IL1A: variants seen among roughly 807,000 people sequenced by gnomAD.
IL1A encodes the protein interleukin-1 alpha.
In IL1A, 16 loss-of-function variants were observed where a neutral mutation model predicts 22.2. The observed-to-expected ratio is 0.72, with a 90% CI of 0.49 to 1.09. The LOEUF is 1.09. Ranked by LOEUF, IL1A falls within the 50% of genes least tolerant of loss-of-function variation. The pLI is 0.00. For missense variants in IL1A, 317 were observed against 321.8 expected, an observed-to-expected ratio of 0.99 and a Z score of 0.11; for synonymous variants, 113 against 118.5, an observed-to-expected ratio of 0.95 and a Z score of 0.30.
In IL1A at chr2:112,781,822, G is replaced by A. The variant is rs1681211943; in HGVS notation, c.101C>T (p.Ser34Phe). 6.2e-7 allele frequency: 1 copy of A among 1,611,426 alleles called. No homozygotes were observed. Among genetic ancestry groups the A allele is most frequent in the East Asian group, 2.2e-5 (1 of 44,874 alleles). Reference sequence around the variant, plus strand: ...TGGGCCATAGCTTACATGATAGAAGGATTTCTGTGAGGAAGGAAAACAGAA... The same window carrying A: ...TGGGCCATAGCTTACATGATAGAAGAATTTCTGTGAGGAAGGAAAACAGAA... The part of the protein sequence containing the change: ...SIDHLSLNQK[S>F]FYHVSYGPLH... Residue 34 changes from serine to phenylalanine, a missense_variant, in exon 4 of 7, where the codon TCC (serine) becomes TTC (phenylalanine). Physicochemically the swap from Ser to Phe is radical, Grantham distance 155 (BLOSUM62 -2). Transcript: ENST00000263339.
intron 6 of IL1A, among the ~76,000 whole-genome samples, chr2:112,777,586 T>A (rs1681120742): frequency 6.6e-6 from 1 of 152,208 alleles, no homozygotes; most frequent in Non-Finnish European, 1.5e-5. Flanking sequence ...TGTTGCTTTG[T>A]GCCCATTGGC....
At chr2:112,783,848 C>T (rs1210214445) in intron 1 of IL1A, 70 bp from the exon 2 acceptor site, 1 of 1,359,578 alleles carries the variant, frequency 7.4e-7, no homozygotes, top group Admixed American at 1.7e-5. Flanking sequence ...AGGGGAGCCC[C>T]TCCTCTTTGT....
At chr2:112,776,181 C>A (rs1449242435) in intron 6 of IL1A, among the ~76,000 whole-genome samples, 2 of 152,176 alleles carry the variant, frequency 1.3e-5, no homozygotes, top group East Asian at 3.8e-4. Context: ...TATTGCCTTC[C>A]TTCTGATCTG....
chr2:112,778,383 G>A (rs571071003), intron 5 of IL1A, among the ~76,000 whole-genome samples: 7 of 152,200 alleles, frequency 4.6e-5, no homozygotes, highest in Non-Finnish European at 7.4e-5. Context: ...TGAATCCTTC[G>A]GGGCTGAATA....
In IL1A at chr2:112,781,695, G is replaced by T. The variant is rs780895290; in HGVS notation, c.228C>A (p.Thr76=). The part of the protein sequence containing the change: ...TFKESMVVVA[T]NGKVLKKRRL... Reference sequence around the variant, plus strand: ...GTCTCTTCTTCAGAACCTTCCCGTTGGTTGCTACTACCACCATGCTCTCCT... The same window carrying T: ...GTCTCTTCTTCAGAACCTTCCCGTTTGTTGCTACTACCACCATGCTCTCCT... Residue 76 remains threonine, a synonymous_variant, in exon 4 of 7, where the codon ACC becomes ACA. Transcript: ENST00000263339. The T allele has an allele frequency of 1.2e-6, 2 of 1,614,172 alleles. No individual in the cohort carries two copies. The highest frequency in any genetic ancestry group is 8.5e-7 in the Non-Finnish European group (1 of 1,180,016).
rs143855190 is a variant in IL1A, at chr2:112,781,622, C to T, written c.301G>A (p.Ala101Thr). ...SITDDDLEAI[A>T]NDSEEEIIKP... ...CCCTTACCTTCCTCTGAGTCATTGG[C>T]GATGGCCTCCAGGTCATCATCAGTG... The change falls in exon 4 of 7, where the codon GCC (alanine) becomes ACC (threonine). Residue 101 changes from alanine (A) to threonine (T), a missense_variant. By Grantham distance (58) the Ala-to-Thr change is moderately conservative. Transcript: ENST00000263339. 171 of 1,613,312 alleles carry T rather than the reference C, an allele frequency of 1.1e-4. 2 individuals carry two copies. In the South Asian group the frequency reaches 1.5e-3, roughly 14 times the overall value.
intron 3 of IL1A, among the ~76,000 whole-genome samples, chr2:112,782,195 CT>C (rs1408079613): frequency 2.0e-5 from 3 of 152,200 alleles, no homozygotes; most frequent in Admixed American, 6.5e-5. Flanking sequence ...TTGGGGACAG[CT>C]TTTAAAGCCA....
intron 3 of IL1A, among the ~76,000 whole-genome samples, chr2:112,782,234 A>G (rs1261591714): frequency 6.6e-6 from 1 of 152,236 alleles, no homozygotes; most frequent in East Asian, 1.9e-4. Context: ...GGCAGTACTT[A>G]TAGTGTCTAT....
Position 112,774,245 on chromosome 2 carries a change from C to G in IL1A, c.*822G>C, listed in dbSNP as rs1681057063. The G allele has an allele frequency of 6.6e-6, 1 of 151,996 alleles. No individual in the cohort carries two copies. Among genetic ancestry groups the G allele is most frequent in the South Asian group, 2.1e-4 (1 of 4,818 alleles). 9.4% of individuals were successfully genotyped at this position (151,996 alleles called of 1,614,324 possible). On this transcript the variant is annotated 3_prime_UTR_variant, in exon 7 of 7. Coordinates refer to ENST00000263339, the MANE Select transcript of IL1A (RefSeq NM_000575.5). ...ATTTATTATATGATTACAGGTCTCCCAAGTACTAGAATGCAGAGTTTCCTG... is the reference window on the plus strand; with the variant it reads ...ATTTATTATATGATTACAGGTCTCCGAAGTACTAGAATGCAGAGTTTCCTG...
chr2:112,782,595 C>G (rs910621629), intron 3 of IL1A, 121 bp downstream of exon 3: 1 of 702,698 alleles, frequency 1.4e-6, no homozygotes, highest in African/African-American at 1.8e-5. Context: ...AGACAGGTCT[C>G]TGGACCTCTA....
intron 6 of IL1A, among the ~76,000 whole-genome samples, chr2:112,777,661 C>T (rs1681122200): frequency 6.6e-6 from 1 of 152,084 alleles, no homozygotes; most frequent in Admixed American, 6.5e-5. Context: ...GCCACATTGT[C>T]CTAATGTCTA....
chr2:112,783,628 C>T (rs1681251925), intron 2 of IL1A, 96 bp downstream of exon 2: 15 of 995,560 alleles, frequency 1.5e-5, no homozygotes, highest in East Asian at 4.8e-5. Flanking sequence ...CAACCTCTGC[C>T]GGCCTGCCCC....
rs1681238290 is a variant in IL1A, at chr2:112,782,846, T to A, written c.48-82A>T. The A allele has an allele frequency of 4.8e-6, 5 of 1,042,376 alleles. No individual in the cohort carries two copies. In the South Asian group the frequency reaches 5.2e-5, roughly 11 times the overall value. 64.6% of individuals were successfully genotyped at this position (1,042,376 alleles called of 1,614,324 possible). A position where few individuals can be genotyped will look rare whatever the true frequency, so the allele number is the denominator to read the frequency against. On this transcript the variant is annotated intron_variant, in intron 2 of 6. Transcript: ENST00000263339. ...CAATGTACTTTAATGACCATGATAG[T>A]TGTGGGTCACACACATACACATGGC...
chr2:112,779,742 G>A, intron 4 of IL1A, 76 bp from the exon 5 acceptor site: 1 of 1,050,524 alleles, frequency 9.5e-7, no homozygotes, highest in South Asian at 2.3e-5. Context: ...GTACAAACAG[G>A]GAAAATAGTT....
In IL1A at chr2:112,781,795, A is replaced by C; in HGVS notation, c.128T>G (p.Leu43Arg). Residue 43 changes from leucine to arginine, a missense_variant, in exon 4 of 7, where the codon CTC becomes CGC. Leu to Arg is a moderately radical substitution (Grantham distance 102). Transcript: ENST00000263339. ...AGATTGATCCATGCAGCCTTCATGG[A>C]GTGGGCCATAGCTTACATGATAGAA... ...KSFYHVSYGPLHEGCMDQSVS... is the reference protein window; with the variant it reads ...KSFYHVSYGPRHEGCMDQSVS... 1 of 1,613,968 alleles carries C rather than the reference A, an allele frequency of 6.2e-7. No homozygotes were observed. The highest frequency in any genetic ancestry group is 8.5e-7 in the Non-Finnish European group (1 of 1,179,830).
chr2:112,777,610 T>A (rs1681121261), intron 6 of IL1A, among the ~76,000 whole-genome samples: 1 of 152,186 alleles, frequency 6.6e-6, no homozygotes, highest in Admixed American at 6.5e-5. Flanking sequence ...TGATTAATCC[T>A]CTCTGATCTC....
At chr2:112,777,888 G>A in intron 6 of IL1A, 99 bp downstream of exon 6, 1 of 1,254,092 alleles carries the variant, frequency 8.0e-7, no homozygotes, top group Non-Finnish European at 1.1e-6. Context: ...AGGAAGGAAA[G>A]AGGACAGTGT....
intron 6 of IL1A, among the ~76,000 whole-genome samples, chr2:112,775,749 A>AAC (rs750248024): frequency 1.1e-4 from 16 of 152,220 alleles, no homozygotes; most frequent in South Asian, 8.3e-4. Flanking sequence ...TTGAAGGTTA[A>AAC]ACACACGCAC....
rs1245148029 is a variant in IL1A, at chr2:112,778,235, G to A, written c.491-124C>T. 6 of 621,782 alleles carry A rather than the reference G, an allele frequency of 9.6e-6. No individual in the cohort carries two copies. The East Asian group carries it at 9.7e-5, about 10-fold the overall frequency. 38.5% of individuals were successfully genotyped at this position (621,782 alleles called of 1,614,324 possible). On this transcript the variant is annotated intron_variant, in intron 5 of 6. Transcript: ENST00000263339. ...GTGTGTGTGTGTGTGTGTGTGTGTA[G>A]TTAGGTCCCCACCTATGGTGTAAAT...
Sources: gnomAD v4.1 joint callset for allele counts (sites outside exome capture counted in the v4.1 genomes callset) on GRCh38, gnomAD v4.1.1 for gene constraint, MANE v1.5 for transcripts, NCBI Gene and HGNC (gene_info 2026-07-23, HGNC 2026-07-21) for gene names.